PIEZO2: variants seen among roughly 807,000 people sequenced by gnomAD.
PIEZO2 encodes piezo type mechanosensitive ion channel component 2.
Under a neutral mutation model 337.3 loss-of-function variants are expected in PIEZO2, and 172 were observed. The ratio of observed to expected loss-of-function variants is 0.51; its 90% CI spans 0.45 to 0.58. The LOEUF is 0.58. Ranked by LOEUF, PIEZO2 falls within the 20% of genes least tolerant of loss-of-function variation. The probability of loss-of-function intolerance (pLI) is 0.00; values close to 1 mark genes in which losing one functional copy is unlikely to be tolerated. For missense variants in PIEZO2, 3,028 were observed against 3,391.3 expected (o/e 0.89, Z 2.66); for synonymous variants, 1,251 against 1,228.5 (o/e 1.02, Z -0.38).
chr18:10,684,228 C>T lies in PIEZO2; in HGVS notation c.7498-1936G>A, dbSNP rs376414778. Among the ~76,000 whole-genome samples the T allele has an allele frequency of 3.7e-3, 422 of 115,524 alleles. 1 individual carries two copies. The highest frequency in any genetic ancestry group is 5.3e-3 in the Non-Finnish European group (330 of 61,702). The allele number at this position is 115,524 out of a possible 152,430, so 75.8% of individuals were successfully genotyped here. On this transcript the variant is annotated intron_variant, in intron 49 of 55. Coordinates refer to ENST00000674853, the MANE Select transcript of PIEZO2 (RefSeq NM_001378183.1). ...TCGCCCAGGCTGGAGTGCAGTGGCG[C>T]GATCTTGGCTCACTGCAAGCTCCAC...
At chr18:10,864,553 T>G (rs145784822) in intron 5 of PIEZO2, among the ~76,000 whole-genome samples, 500 of 152,338 alleles carry the variant, frequency 3.3e-3, no homozygotes, top group Non-Finnish European at 5.4e-3. Context: ...AAATAGTTCT[T>G]GTTAAATATT....
intron 1 of PIEZO2, among the ~76,000 whole-genome samples, chr18:11,082,487 T>G (rs187796964): frequency 1.2e-3 from 182 of 152,076 alleles, no homozygotes; most frequent in African/African-American, 4.2e-3. Context: ...CCGGCTAATT[T>G]TTTGTATTTT....
At chr18:10,886,017 G>A (rs1218806264) in intron 4 of PIEZO2, among the ~76,000 whole-genome samples, 2 of 151,828 alleles carry the variant, frequency 1.3e-5, no homozygotes, top group Admixed American at 6.6e-5. Context: ...AGAATCCGAA[G>A]AAAACCTCAC....
chr18:10,807,490 G>A (rs2040038206), intron 7 of PIEZO2, among the ~76,000 whole-genome samples: 2 of 152,152 alleles, frequency 1.3e-5, no homozygotes, highest in South Asian at 4.1e-4. Flanking sequence ...TATACATTCA[G>A]TAATCATATG....
intron 4 of PIEZO2, among the ~76,000 whole-genome samples, chr18:10,887,806 C>A (rs1340133026): frequency 6.6e-6 from 1 of 152,066 alleles, no homozygotes; most frequent in Non-Finnish European, 1.5e-5. Context: ...GGAGGATGAT[C>A]CTCAACCTGG....
rs755764400 is a variant in PIEZO2 at position 11,146,932 on chromosome 18, C to T, written c.64+1593G>A. ...GCGGCCTTTAACCTTAGTGCCACTC[C>T]CCAGGACCCCTCCCCGGTCTGCACT... On this transcript the variant is annotated intron_variant, in intron 1 of 55. Transcript: ENST00000674853. This position sits in a 1 kb window ranked among gnomAD's most constrained non-coding sequence, Gnocchi z 6.1. Among the ~76,000 whole-genome samples, 247 of 152,272 alleles carry T rather than the reference C, an allele frequency of 1.6e-3. 3 individuals carry two copies. The highest frequency in any genetic ancestry group is 6.0e-4 in the Non-Finnish European group (41 of 68,028).
chr18:10,791,161 G>A lies in PIEZO2; in HGVS notation c.1882+40C>T, dbSNP rs117025760. 3.7e-3 allele frequency: 5,455 copies of A among 1,483,942 alleles called. 31 individuals carry two copies. Among genetic ancestry groups the A allele is most frequent in the Middle Eastern group, 0.011 (60 of 5,658 alleles). The allele number at this position is 1,483,942 out of a possible 1,614,324, so 91.9% of individuals were successfully genotyped here. On this transcript the variant is annotated intron_variant, in intron 14 of 55. Coordinates refer to ENST00000674853, the MANE Select transcript of PIEZO2 (RefSeq NM_001378183.1). ...GGGGCTCTTTCTCTGTAATTTTGCT[G>A]AGCACCAAACTCTCCAGCCACACAT...
intron 1 of PIEZO2, among the ~76,000 whole-genome samples, chr18:11,134,748 A>G (rs1269213732): frequency 6.6e-6 from 1 of 152,236 alleles, no homozygotes; most frequent in Non-Finnish European, 1.5e-5. Flanking sequence ...TTTCTCAAAA[A>G]GACCTAATCA....
intron 3 of PIEZO2, among the ~76,000 whole-genome samples, chr18:10,972,881 A>T (rs2034298876): frequency 6.6e-6 from 1 of 152,226 alleles, no homozygotes; most frequent in African/African-American, 2.4e-5. Flanking sequence ...GGTCAAGCAC[A>T]GTCCCAAGGG....
intron 28 of PIEZO2, among the ~76,000 whole-genome samples, chr18:10,751,211 T>G (rs2037632164): frequency 6.6e-6 from 1 of 152,226 alleles, no homozygotes; most frequent in Non-Finnish European, 1.5e-5. Flanking sequence ...CAACTGTTTA[T>G]CTCTAGTTCT....
intron 2 of PIEZO2, among the ~76,000 whole-genome samples, chr18:10,991,910 A>G (rs2035120825): frequency 6.6e-6 from 1 of 152,150 alleles, no homozygotes; most frequent in Non-Finnish European, 1.5e-5. Flanking sequence ...TGACTTTTTA[A>G]TGATAGCCAT....
intron 39 of PIEZO2, among the ~76,000 whole-genome samples, chr18:10,710,395 C>T (rs1478104717): frequency 6.6e-6 from 1 of 152,214 alleles, no homozygotes; most frequent in Admixed American, 6.5e-5. Flanking sequence ...CCCCCACTGC[C>T]AGCACCACAG....
At chr18:10,720,774 A>G (rs1046192635) in intron 36 of PIEZO2, among the ~76,000 whole-genome samples, 1 of 151,884 alleles carries the variant, frequency 6.6e-6, no homozygotes, top group Non-Finnish European at 1.5e-5. Context: ...TGGTTACCCT[A>G]TCTAAGGTTA....
In PIEZO2 at chr18:11,084,065, T is replaced by C. The variant is rs1406230265; in HGVS notation, c.65-17843A>G. The stretch of plus-strand genomic sequence containing the variant: ...GGTGGTGGGTGCCTGTAATCCCAGT[T>C]ACTCGGGAGGCTGAGGCAGGAGAAT... On this transcript the variant is annotated intron_variant, in intron 1 of 55. Coordinates refer to ENST00000674853, the MANE Select transcript of PIEZO2 (RefSeq NM_001378183.1). 2.0e-5 allele frequency among the ~76,000 whole-genome samples: 3 copies of C among 151,282 alleles called. 1 individual carries two copies. The highest frequency in any genetic ancestry group is 4.4e-5 in the Non-Finnish European group (3 of 67,938).
chr18:10,771,452 A>T (rs576621057), intron 20 of PIEZO2, among the ~76,000 whole-genome samples: 62 of 152,382 alleles, frequency 4.1e-4, no homozygotes, highest in African/African-American at 1.4e-3. Flanking sequence ...AAGTCACAGC[A>T]GGACTGTTTT....
chr18:10,800,895 T>C (rs530764989), intron 10 of PIEZO2, among the ~76,000 whole-genome samples: 2 of 152,236 alleles, frequency 1.3e-5, no homozygotes, highest in Non-Finnish European at 2.9e-5. Flanking sequence ...TCCAACATTG[T>C]CCTGCCTATG....
chr18:10,886,327 T>TATATATATATAC (rs2042580243), intron 4 of PIEZO2, among the ~76,000 whole-genome samples: 1 of 26,768 alleles, frequency 3.7e-5, no homozygotes, highest in Non-Finnish European at 5.4e-5. Flanking sequence ...TACATACATA[T>TATATATATATAC]ATATATATAT....
intron 4 of PIEZO2, among the ~76,000 whole-genome samples, chr18:10,873,267 T>C (rs1259661539): frequency 6.6e-6 from 1 of 152,198 alleles, no homozygotes; most frequent in Non-Finnish European, 1.5e-5. Flanking sequence ...AGACACATTA[T>C]TAATTAATCC....
intron 7 of PIEZO2, among the ~76,000 whole-genome samples, chr18:10,809,028 A>G (rs2040090820): frequency 6.6e-6 from 1 of 152,194 alleles, no homozygotes; most frequent in African/African-American, 2.4e-5. Context: ...TAAATGCTTC[A>G]TATCATATAG....
Sources: allele counts gnomAD v4.1 joint callset (sites outside exome capture counted in the v4.1 genomes callset), GRCh38; gene constraint gnomAD v4.1.1; non-coding constraint Gnocchi (gnomAD v3.1); transcripts MANE v1.5; gene names NCBI Gene and HGNC (gene_info 2026-07-23, HGNC 2026-07-21).